SACM1L: variants seen among roughly 807,000 people sequenced by gnomAD.
SACM1L encodes SAC1 like phosphatidylinositide phosphatase, also known as phosphatidylinositol-3-phosphatase SAC1.
Under a neutral mutation model 89.5 loss-of-function variants are expected in SACM1L, and 32 were observed. The ratio of observed to expected loss-of-function variants is 0.36; its 90% CI spans 0.27 to 0.48. The LOEUF is 0.48. Among genes scored for constraint, SACM1L ranks in the 20% least tolerant of loss-of-function variants. SACM1L has a pLI of 0.99. For missense variants in SACM1L, 543 were observed against 708.5 expected (o/e 0.77, Z 2.65); for synonymous variants, 213 against 232.8 (o/e 0.92, Z 0.77).
chr3:45,724,433 G>T (rs1231114211), intron 11 of SACM1L, among the ~76,000 whole-genome samples: 1 of 151,794 alleles, frequency 6.6e-6, no homozygotes, highest in South Asian at 2.1e-4. Context: ...TGTGCTCATT[G>T]GCCATTTGTG....
At chr3:45,715,036 G>GT (rs1698617624) in intron 7 of SACM1L, among the ~76,000 whole-genome samples, 1 of 152,214 alleles carries the variant, frequency 6.6e-6, no homozygotes, top group Non-Finnish European at 1.5e-5. Context: ...ATTTAGTACA[G>GT]TAACATGCTA....
Position 45,739,878 on chromosome 3 carries a change from C to T in SACM1L, c.1627+234C>T, listed in dbSNP as rs150326852. On this transcript the variant is annotated intron_variant, in intron 19 of 19. Transcript: ENST00000389061. ...TTTTAAAAACATGTTTTTCTTATTA[C>T]TGTAAACCAATGAGTGTCTGAGACA... 313 of 571,640 alleles carry T rather than the reference C, an allele frequency of 5.5e-4. 2 individuals are homozygous for T. The East Asian group carries it at 8.9e-3, about 16-fold the overall frequency. The allele number at this position is 571,640 out of a possible 1,614,324, so 35.4% of individuals were successfully genotyped here. A position where few individuals can be genotyped will look rare whatever the true frequency, so the allele number is the denominator to read the frequency against.
At chr3:45,723,928 T>TTGTGTA (rs766156461) in intron 11 of SACM1L, among the ~76,000 whole-genome samples, 3 of 150,244 alleles carry the variant, frequency 2.0e-5, no homozygotes, top group Non-Finnish European at 3.0e-5. Context: ...GAATATTCCA[T>TTGTGTA]TGTGTATGTG....
chr3:45,701,151 A>ATT (rs910257482), intron 1 of SACM1L, among the ~76,000 whole-genome samples: 1 of 147,916 alleles, frequency 6.8e-6, no homozygotes, highest in Non-Finnish European at 1.5e-5. Context: ...CATTTCTTTA[A>ATT]TTTTTTTTTT....
At position 45,738,875 on chromosome 3, in the gene SACM1L, T is replaced by A; in HGVS notation, c.1569+2T>A. The A allele has an allele frequency of 6.3e-7, 1 of 1,574,826 alleles. No individual in the cohort carries two copies. The highest frequency in any genetic ancestry group is 8.7e-7 in the Non-Finnish European group (1 of 1,148,924). ...CCAAGGGACTGGAAATTCCTGGCTG[T>A]AAGAAACCATTTTGTATTTTTCAAG... On this transcript the variant is annotated splice_donor_variant, in intron 18 of 19. Coordinates refer to ENST00000389061, the MANE Select transcript of SACM1L (RefSeq NM_014016.5). LOFTEE classifies it high-confidence loss of function.
At chr3:45,699,451 A>G (rs941561211) in intron 1 of SACM1L, among the ~76,000 whole-genome samples, 2 of 131,134 alleles carry the variant, frequency 1.5e-5, no homozygotes, top group Non-Finnish European at 3.2e-5. Context: ...GTTTTTATAA[A>G]TTTATATAAA....
intron 7 of SACM1L, 82 bp downstream of exon 7, chr3:45,714,161 A>C: frequency 9.0e-6 from 7 of 773,932 alleles, no homozygotes; most frequent in Non-Finnish European, 1.2e-5. Flanking sequence ...AGATAGTCTC[A>C]AATACTCCAT....
chr3:45,739,030 C>T (rs539522690), intron 18 of SACM1L, among the ~76,000 whole-genome samples, 157 bp downstream of exon 18: 1 of 152,110 alleles, frequency 6.6e-6, no homozygotes, highest in South Asian at 2.1e-4. Context: ...CTGAGGAGTA[C>T]AGTAACTGTG....
At chr3:45,734,082 T>G (rs1699139291) in intron 13 of SACM1L, among the ~76,000 whole-genome samples, 1 of 151,998 alleles carries the variant, frequency 6.6e-6, no homozygotes, top group African/African-American at 2.4e-5. Flanking sequence ...TTATAAATCT[T>G]GTACTATTTG....
intron 1 of SACM1L, among the ~76,000 whole-genome samples, chr3:45,692,016 G>A (rs542978085): frequency 1.6e-4 from 25 of 152,264 alleles, no homozygotes; most frequent in African/African-American, 6.0e-4. Context: ...ACTGCCCAGA[G>A]CCTTTTCCCC....
In SACM1L at chr3:45,732,084, A is replaced by G. The variant is rs866339111; in HGVS notation, c.1033A>G (p.Lys345Glu). 15 of 1,602,662 alleles carry G rather than the reference A, an allele frequency of 9.4e-6. No individual in the cohort carries two copies. The highest frequency in any genetic ancestry group is 1.7e-4 in the Middle Eastern group (1 of 6,014). Residue 345 changes from lysine (K) to glutamate (E), a missense_variant, in exon 13 of 20, where the codon AAA becomes GAA. Around this residue, in one of 2 missense-constraint regions of SACM1L, gnomAD observed 370 missense variants for 527.6 expected, o/e 0.70. Coordinates refer to ENST00000389061, the MANE Select transcript of SACM1L (RefSeq NM_014016.5). Reference protein sequence around the residue: ...YIAFDFHKECKNMRWDRLSIL... With the variant: ...YIAFDFHKECENMRWDRLSIL... ...TGCCTTTGACTTCCATAAGGAATGT[A>G]AAAATATGAGATGGGATCGACTAAG...
chr3:45,695,484 C>T (rs144678455), intron 1 of SACM1L, among the ~76,000 whole-genome samples: 9,032 of 152,134 alleles, frequency 0.059, 877 homozygotes, highest in African/African-American at 0.21. Flanking sequence ...TGGTCTTGAT[C>T]TCCTGACCTC....
chr3:45,694,024 T>C (rs1698065086), intron 1 of SACM1L, among the ~76,000 whole-genome samples: 1 of 152,238 alleles, frequency 6.6e-6, no homozygotes, highest in African/African-American at 2.4e-5. Flanking sequence ...TCGGCGTAGG[T>C]GTCACATTTC....
chr3:45,709,659 C>A lies in SACM1L; in HGVS notation c.483+12C>A. On this transcript the variant is annotated intron_variant, in intron 5 of 19. Transcript: ENST00000389061. ...GTCTCTTGGAAAGGGTAAGCTTGAT[C>A]TTCAATTATTTTTATTTTTAGGTTT... is the stretch of plus-strand genomic sequence containing the variant. 2 of 1,587,528 alleles carry A rather than the reference C, an allele frequency of 1.3e-6. No individual in the cohort carries two copies. Among genetic ancestry groups the A allele is most frequent in the South Asian group, 1.2e-5 (1 of 85,734 alleles).
intron 13 of SACM1L, among the ~76,000 whole-genome samples, chr3:45,732,775 G>A (rs568182324): frequency 1.3e-5 from 2 of 152,238 alleles, no homozygotes; most frequent in African/African-American, 2.4e-5. Context: ...TACTCTATGC[G>A]TGCCAGTCTT....
At chr3:45,700,855 A>G (rs1034543615) in intron 1 of SACM1L, among the ~76,000 whole-genome samples, 48 of 152,288 alleles carry the variant, frequency 3.2e-4, no homozygotes, top group African/African-American at 1.1e-3. Flanking sequence ...TATTTTTAGT[A>G]GAGATGAGGT....
At chr3:45,707,279 T>C (rs1042310591) in intron 4 of SACM1L, 7 of 172,680 alleles carry the variant, frequency 4.1e-5, no homozygotes, top group Non-Finnish European at 7.4e-5. Context: ...AGAGAGGTTT[T>C]CTCTATTTTT....
intron 7 of SACM1L, among the ~76,000 whole-genome samples, chr3:45,716,634 G>A (rs1035896428): frequency 4.6e-5 from 7 of 152,088 alleles, no homozygotes; most frequent in African/African-American, 1.7e-4. Context: ...GCTGATGGGT[G>A]TGTAAATGTG....
rs774896017 is a variant in SACM1L, at chr3:45,738,823, T to G, written c.1519T>G (p.Leu507Val). The change falls in exon 18 of 20, where the codon TTA (leucine) becomes GTA (valine). Residue 507 changes from leucine (L) to valine (V), a missense_variant. Around this residue, in one of 2 missense-constraint regions of SACM1L, gnomAD observed 370 missense variants for 527.6 expected, o/e 0.70. Transcript: ENST00000389061. The stretch of plus-strand genomic sequence containing the variant: ...TCTTGGAAACTATTCAGTGGATGAA[T>G]TAGAATCTCATAGTCCTTTAAGTGT... The part of the protein sequence containing the change: ...LFLGNYSVDE[L>V]ESHSPLSVPR... 17 of 1,611,672 alleles carry G rather than the reference T, an allele frequency of 1.1e-5. No homozygotes were observed. Among genetic ancestry groups the G allele is most frequent in the Non-Finnish European group, 1.1e-5 (13 of 1,178,064 alleles).
Sources: allele counts gnomAD v4.1 joint callset (sites outside exome capture counted in the v4.1 genomes callset), GRCh38; gene constraint gnomAD v4.1.1; regional missense constraint gnomAD v4.1.1; transcripts MANE v1.5; gene names NCBI Gene and HGNC (gene_info 2026-07-23, HGNC 2026-07-21).